DAZAP1: variants seen among roughly 807,000 people sequenced by gnomAD.
The protein encoded by DAZAP1 is DAZ-associated protein 1.
Under a neutral mutation model 60.1 loss-of-function variants are expected in DAZAP1, and 6 were observed. That is an observed-to-expected ratio of 0.10 (90% CI 0.05 to 0.20). The LOEUF is 0.20. Ranked by LOEUF, DAZAP1 falls within the 10% of genes least tolerant of loss-of-function variation. DAZAP1 has a pLI of 1.00. For synonymous variants in DAZAP1, 235 were observed against 215.9 expected (o/e 1.09, Z -0.78); for missense variants, 366 against 560.4 (o/e 0.65, Z 3.50).
intron 1 of DAZAP1, among the ~76,000 whole-genome samples, chr19:1,408,746 C>T (rs752199400): frequency 1.3e-5 from 2 of 152,246 alleles, no homozygotes; most frequent in South Asian, 4.1e-4. Context: ...AGGAGCCTGA[C>T]CTGCTCCGGA....
chr19:1,414,349 G>C (rs1041181645), intron 1 of DAZAP1, among the ~76,000 whole-genome samples: 1 of 152,168 alleles, frequency 6.6e-6, no homozygotes, highest in Non-Finnish European at 1.5e-5. Flanking sequence ...AAATATTTGA[G>C]AGTAGCTGGA....
At chr19:1,415,389 G>GT (rs111300304) in intron 1 of DAZAP1, among the ~76,000 whole-genome samples, 8 of 127,584 alleles carry the variant, frequency 6.3e-5, no homozygotes, top group East Asian at 2.5e-4. Context: ...GTGTGTGTGT[G>GT]TTTTGTTTTT....
intron 1 of DAZAP1, among the ~76,000 whole-genome samples, chr19:1,408,732 C>T (rs1048528749): frequency 5.3e-5 from 8 of 152,234 alleles, no homozygotes; most frequent in African/African-American, 1.9e-4. Context: ...GCGTCCCCTC[C>T]TATAGGAGCC....
At chr19:1,427,512 G>C (rs777017179) in intron 7 of DAZAP1, 2 of 152,396 alleles carry the variant, frequency 1.3e-5, no homozygotes, top group African/African-American at 4.8e-5. Context: ...GTTTGGTACC[G>C]CGTGGTAGTT....
At chr19:1,429,391 T>A (rs1437629296) in intron 8 of DAZAP1, among the ~76,000 whole-genome samples, 3 of 152,150 alleles carry the variant, frequency 2.0e-5, no homozygotes, top group Non-Finnish European at 2.9e-5. Context: ...AGGCTTTGGA[T>A]CCTTGCCACC....
intron 1 of DAZAP1, chr19:1,415,921 C>CA (rs2082970875): frequency 6.6e-6 from 1 of 152,166 alleles, no homozygotes; most frequent in Admixed American, 6.5e-5. Flanking sequence ...TTGAAGACGG[C>CA]AGTGGGTGCC....
In DAZAP1 at chr19:1,429,096, T is replaced by C. The variant is rs1310562147; in HGVS notation, c.700+101T>C. 42 of 1,367,462 alleles carry C rather than the reference T, an allele frequency of 3.1e-5. No homozygotes were observed. In the South Asian group the frequency reaches 6.1e-4, roughly 20 times the overall value. 84.7% of individuals were successfully genotyped at this position (1,367,462 alleles called of 1,614,324 possible). On this transcript the variant is annotated intron_variant, in intron 8 of 11. Transcript: ENST00000233078. ...CGCTGCGGCCTCCCCACCTCTGCTG[T>C]GCATGCACAGAGCCGCGGTTCACAG...
chr19:1,415,353 A>ATGTGTG (rs61360796), intron 1 of DAZAP1, among the ~76,000 whole-genome samples: 21,841 of 109,020 alleles, frequency 0.2, 2,596 homozygotes, highest in Non-Finnish European at 0.26. Context: ...TCAGGGTTTT[A>ATGTGTG]TGTGTGTGTG....
chr19:1,412,989 G>C (rs917089489), intron 1 of DAZAP1, among the ~76,000 whole-genome samples: 2 of 152,218 alleles, frequency 1.3e-5, no homozygotes, highest in African/African-American at 4.8e-5. Flanking sequence ...TAGGAGCCAC[G>C]ACTTCCAGTG....
intron 1 of DAZAP1, among the ~76,000 whole-genome samples, chr19:1,411,161 TA>T (rs748329641): frequency 8.5e-5 from 13 of 152,186 alleles, no homozygotes; most frequent in Non-Finnish European, 1.6e-4. Flanking sequence ...CGGGGAGTGA[TA>T]GGGAACCTCA....
At chr19:1,421,110 T>C in intron 4 of DAZAP1, 38 bp from the exon 5 acceptor site, 1 of 1,598,276 alleles carries the variant, frequency 6.3e-7, no homozygotes, top group Non-Finnish European at 8.6e-7. Context: ...GTTTGGAGGG[T>C]TCCCGTGTGA....
chr19:1,429,635 G>C (rs1056547118), intron 8 of DAZAP1, among the ~76,000 whole-genome samples: 2 of 152,216 alleles, frequency 1.3e-5, no homozygotes, highest in African/African-American at 4.8e-5. Context: ...GTGCTGTGGG[G>C]ACTGTCCCTG....
In DAZAP1 at chr19:1,425,249, C is replaced by T. The variant is rs569273932; in HGVS notation, c.464-629C>T. On this transcript the variant is annotated intron_variant, in intron 6 of 11. Coordinates refer to ENST00000233078, the MANE Select transcript of DAZAP1 (RefSeq NM_018959.4). The surrounding 1 kb of genome is among the most constrained non-coding windows in gnomAD (Gnocchi z 5.4). ...GGTGTTGCGTAAGCCTAGCGAGGCA[C>T]CAGCTATGATAGATACTGTATCTGT... Among the ~76,000 whole-genome samples, 37 of 152,280 alleles carry T rather than the reference C, an allele frequency of 2.4e-4. No homozygotes were observed. In the South Asian group the frequency reaches 7.7e-3, roughly 32 times the overall value.
At chr19:1,408,247 A>T (rs2082722170) in intron 1 of DAZAP1, among the ~76,000 whole-genome samples, 1 of 151,700 alleles carries the variant, frequency 6.6e-6, no homozygotes, top group Non-Finnish European at 1.5e-5. Context: ...CCGAACGGGA[A>T]CTTGGGGGGG....
chr19:1,421,256 G>A lies in DAZAP1; in HGVS notation c.412G>A (p.Val138Met). 6.2e-7 allele frequency: 1 copy of A among 1,613,854 alleles called. No homozygotes were observed. Among genetic ancestry groups the A allele is most frequent in the East Asian group, 2.2e-5 (1 of 44,880 alleles). ...ELREYFKKFG[V>M]VTEVVMIYDA... ...CAGGGAATACTTCAAGAAGTTCGGA[G>A]TGGTGAGTTTCTCCCCACCCCGGCA... Residue 138 changes from valine (V) to methionine (M), a missense_variant and splice_region_variant, in exon 5 of 12, where the codon GTG (valine) becomes ATG (methionine). This residue lies in a region of DAZAP1 where 28 missense variants were observed against 96.3 expected (regional missense o/e 0.29). Coordinates refer to ENST00000233078, the MANE Select transcript of DAZAP1 (RefSeq NM_018959.4).
Position 1,433,884 on chromosome 19 carries a change from G to T in DAZAP1, c.1049-853G>T. On this transcript the variant is annotated intron_variant, in intron 11 of 11. Transcript: ENST00000233078. The surrounding 1 kb of genome is among the most constrained non-coding windows in gnomAD (Gnocchi z 6.1). ...CACCCGCCTGCACCGGGAGGTGGAC[G>T]TGGCTTCCTCTGCCGTCCCGGGCGG... 1.3e-6 allele frequency: 2 copies of T among 1,517,492 alleles called. No homozygotes were observed. The highest frequency in any genetic ancestry group is 9.1e-7 in the Non-Finnish European group (1 of 1,094,660). 94.0% of individuals were successfully genotyped at this position (1,517,492 alleles called of 1,614,324 possible).
At chr19:1,420,693 C>T (rs896182882) in intron 4 of DAZAP1, among the ~76,000 whole-genome samples, 11 of 152,172 alleles carry the variant, frequency 7.2e-5, no homozygotes, top group African/African-American at 2.7e-4. Flanking sequence ...TTTCACACAG[C>T]TCTTGAGCTG....
chr19:1,421,438 C>G (rs1437410214), intron 5 of DAZAP1, among the ~76,000 whole-genome samples, 180 bp downstream of exon 5: 1 of 152,278 alleles, frequency 6.6e-6, no homozygotes, highest in Non-Finnish European at 1.5e-5. Context: ...CCGGCCTTTG[C>G]CTTCATGGCC....
chr19:1,418,380 C>A lies in DAZAP1; in HGVS notation c.237+10C>A, dbSNP rs371703152. 8.7e-6 allele frequency: 14 copies of A among 1,610,046 alleles called. No individual in the cohort carries two copies. The highest frequency in any genetic ancestry group is 1.2e-5 in the Non-Finnish European group (14 of 1,177,092). On this transcript the variant is annotated intron_variant, in intron 3 of 11. Coordinates refer to ENST00000233078, the MANE Select transcript of DAZAP1 (RefSeq NM_018959.4). This position sits in a 1 kb window ranked among gnomAD's most constrained non-coding sequence, Gnocchi z 5.7. ...GCTAGATGGCCGAAACGTAAGTGCC[C>A]TTCCGGGAGCTCACACCCGCTCTCT...
Sources: gnomAD v4.1 joint callset for allele counts (sites outside exome capture counted in the v4.1 genomes callset) on GRCh38, gnomAD v4.1.1 for gene constraint, gnomAD v4.1.1 regional missense constraint, Gnocchi (gnomAD v3.1) non-coding constraint, MANE v1.5 for transcripts, NCBI Gene and HGNC (gene_info 2026-07-23, HGNC 2026-07-21) for gene names.